Variants in TENM3 observed in about 807,000 individuals in gnomAD.
TENM3 encodes teneurin-3.
In TENM3, 63 loss-of-function variants were observed where a neutral mutation model predicts 255.1. The ratio of observed to expected loss-of-function variants is 0.25; its 90% CI spans 0.20 to 0.30. The LOEUF (loss-of-function observed/expected upper bound fraction) is 0.30. TENM3 is among the 10% of genes least tolerant of loss of function. TENM3 has a pLI of 1.00. For missense variants in TENM3, 2,929 were observed against 3,461.1 expected (o/e 0.85, Z 3.86); for synonymous variants, 1,306 against 1,322.3 (o/e 0.99, Z 0.27).
At chr4:181,704,799 G>A in the TENM3 span, among the ~76,000 whole-genome samples, 43 of 152,128 alleles carry the variant, frequency 2.8e-4, no homozygotes, top group African/African-American at 6.7e-4. Context: ...TTGGGGGGCC[G>A]AGGCGGGCAG....
At chr4:182,749,882 T>C (rs901264142) in intron 19 of TENM3, among the ~76,000 whole-genome samples, 21 of 152,192 alleles carry the variant, frequency 1.4e-4, no homozygotes, top group African/African-American at 4.8e-4. Context: ...TCCAATGTCA[T>C]GTCTTTCAAA....
At chr4:182,218,772 G>A (rs971050686) in intron 1 of TENM3, among the ~76,000 whole-genome samples, 6 of 152,078 alleles carry the variant, frequency 3.9e-5, no homozygotes, top group Middle Eastern at 3.4e-3. Flanking sequence ...TAATATATTC[G>A]CAAACATAAT....
intron 1 of TENM3, among the ~76,000 whole-genome samples, chr4:182,230,812 CTATATATATATATATA>C (rs55642239): frequency 3.0e-3 from 176 of 58,058 alleles, no homozygotes; most frequent in Middle Eastern, 0.014. Flanking sequence ...GTTTCTCAAA[CTATATATATATATATA>C]TATATATATA....
At chr4:182,723,102 A>C (rs1277318689) in intron 13 of TENM3, among the ~76,000 whole-genome samples, 1 of 152,206 alleles carries the variant, frequency 6.6e-6, no homozygotes, top group Non-Finnish European at 1.5e-5. Context: ...TCCAAGCCAG[A>C]TATCTAGAAG....
chr4:182,783,038 GCATTTAGTC>G (rs1765307855), intron 24 of TENM3, among the ~76,000 whole-genome samples: 1 of 149,584 alleles, frequency 6.7e-6, no homozygotes, highest in Non-Finnish European at 1.5e-5. Flanking sequence ...TTTAATTGGA[GCATTTAGTC>G]CATTTACATT....
chr4:182,533,625 G>A (rs568758152), intron 3 of TENM3, among the ~76,000 whole-genome samples: 1 of 151,282 alleles, frequency 6.6e-6, no homozygotes, highest in Admixed American at 6.6e-5. Context: ...AAGAATATTC[G>A]ACTCCTGAAG....
the TENM3 span, among the ~76,000 whole-genome samples, chr4:181,843,206 A>G: frequency 6.6e-6 from 1 of 152,214 alleles, no homozygotes; most frequent in African/African-American, 2.4e-5. Flanking sequence ...TCAAATTCAA[A>G]CTATATTCTC....
chr4:182,309,837 ACACCGGG>A (rs1762337753), intron 1 of TENM3, among the ~76,000 whole-genome samples: 1 of 152,214 alleles, frequency 6.6e-6, no homozygotes, highest in Non-Finnish European at 1.5e-5. Context: ...TGATTCTCGG[ACACCGGG>A]CAATGTACTT....
At chr4:182,210,818 A>G (rs547393387) in intron 1 of TENM3, among the ~76,000 whole-genome samples, 1 of 152,084 alleles carries the variant, frequency 6.6e-6, no homozygotes, top group East Asian at 1.9e-4. Flanking sequence ...TCCGCACCTA[A>G]GCCCCAGGCT....
chr4:181,489,098 C>T, the TENM3 span, among the ~76,000 whole-genome samples: 1 of 152,192 alleles, frequency 6.6e-6, no homozygotes, highest in Non-Finnish European at 1.5e-5. Flanking sequence ...GAAAACCATT[C>T]ATTCATCTGT....
the TENM3 span, among the ~76,000 whole-genome samples, chr4:182,022,724 G>A: frequency 2.0e-5 from 3 of 151,988 alleles, no homozygotes; most frequent in East Asian, 1.9e-4. Context: ...CGCTCACAAC[G>A]CGTTCCAGAG....
rs568516954 is a variant in TENM3 at position 182,411,317 on chromosome 4, C to T, written c.511+64388C>T. Among the ~76,000 whole-genome samples, 10 of 152,334 alleles carry T rather than the reference C, an allele frequency of 6.6e-5. No homozygotes were observed. The South Asian group carries it at 1.9e-3, about 28-fold the overall frequency. On this transcript the variant is annotated intron_variant, in intron 3 of 27. Coordinates refer to ENST00000511685, the MANE Select transcript of TENM3 (RefSeq NM_001080477.4). ...AAGGTATTTCATGGAGAGTTTTTGA[C>T]TACAAGTGTTTACTTTCCTGTATGC...
chr4:181,899,746 T>G, the TENM3 span, among the ~76,000 whole-genome samples: 1 of 152,062 alleles, frequency 6.6e-6, no homozygotes, highest in Non-Finnish European at 1.5e-5. Flanking sequence ...TTTTGTATTT[T>G]TAGAAGAGAT....
intron 1 of TENM3, among the ~76,000 whole-genome samples, chr4:182,151,046 A>G (rs559605262): frequency 6.6e-6 from 1 of 152,240 alleles, no homozygotes; most frequent in East Asian, 1.9e-4. Flanking sequence ...CCCTCTCTGC[A>G]TAAGGAGGTG....
intron 3 of TENM3, among the ~76,000 whole-genome samples, chr4:182,393,990 G>C (rs1006278126): frequency 6.6e-6 from 1 of 152,148 alleles, no homozygotes; most frequent in Non-Finnish European, 1.5e-5. Flanking sequence ...AACAATTATA[G>C]TCTCAGAGTT....
chr4:181,660,394 T>C, the TENM3 span, among the ~76,000 whole-genome samples: 1 of 152,178 alleles, frequency 6.6e-6, no homozygotes, highest in Non-Finnish European at 1.5e-5. Context: ...TCATTATTCA[T>C]ACTTAACCAC....
At chr4:181,780,803 G>T in the TENM3 span, among the ~76,000 whole-genome samples, 1 of 152,174 alleles carries the variant, frequency 6.6e-6, no homozygotes, top group African/African-American at 2.4e-5. Flanking sequence ...TCTGTATAAG[G>T]TGTAAGGAAG....
At chr4:182,571,557 C>T (rs771647606) in intron 3 of TENM3, among the ~76,000 whole-genome samples, 50 of 152,128 alleles carry the variant, frequency 3.3e-4, no homozygotes, top group Non-Finnish European at 5.9e-4. Context: ...ACAACACACA[C>T]GCACAAATTA....
At chr4:181,689,822 G>A in the TENM3 span, among the ~76,000 whole-genome samples, 15 of 152,228 alleles carry the variant, frequency 9.9e-5, no homozygotes, top group East Asian at 2.9e-3. Context: ...CTTATTGGTG[G>A]CTGTCATGGA....
Sources: gnomAD v4.1 joint callset for allele counts (sites outside exome capture counted in the v4.1 genomes callset) on GRCh38, gnomAD v4.1.1 for gene constraint, MANE v1.5 for transcripts, NCBI Gene and HGNC (gene_info 2026-07-23, HGNC 2026-07-21) for gene names.